The following TENM2 variants were observed in gnomAD, a reference collection of about 807,000 sequenced individuals.
TENM2 encodes teneurin transmembrane protein 2.
TENM2 carries 52 observed loss-of-function variants against 245.2 expected under a neutral mutation model. The ratio of observed to expected loss-of-function variants is 0.21; its 90% CI spans 0.17 to 0.27. The LOEUF is 0.27. Ranked by LOEUF, TENM2 falls within the 10% of genes least tolerant of loss-of-function variation. The pLI is 1.00. For synonymous variants in TENM2, 1,363 were observed against 1,438.9 expected, an observed-to-expected ratio of 0.95 and a Z score of 1.19; for missense variants, 3,046 against 3,666.8, an observed-to-expected ratio of 0.83 and a Z score of 4.37.
chr5:167,767,299 A>G (rs1292562757), intron 2 of TENM2, among the ~76,000 whole-genome samples: 1 of 152,238 alleles, frequency 6.6e-6, no homozygotes, highest in Non-Finnish European at 1.5e-5. Context: ...CCAGACATGA[A>G]ATGGCAAATA....
At chr5:167,107,035 A>G in the TENM2 span, among the ~76,000 whole-genome samples, 1 of 151,074 alleles carries the variant, frequency 6.6e-6, no homozygotes, top group Non-Finnish European at 1.5e-5. Context: ...GCCTGAGCTC[A>G]GGAGTTCGAG....
intron 1 of TENM2, among the ~76,000 whole-genome samples, chr5:167,366,784 C>G (rs1442805486): frequency 1.3e-5 from 2 of 152,236 alleles, no homozygotes; most frequent in South Asian, 4.1e-4. Context: ...CTCTCTTTCC[C>G]TCTCTTTCTC....
chr5:167,041,497 C>A, the TENM2 span, among the ~76,000 whole-genome samples: 1 of 152,272 alleles, frequency 6.6e-6, no homozygotes, highest in East Asian at 1.9e-4. Context: ...CACGAAGTGT[C>A]CAATTACCTA....
intron 3 of TENM2, among the ~76,000 whole-genome samples, chr5:167,930,103 A>G (rs555046596): frequency 6.6e-6 from 1 of 152,350 alleles, no homozygotes; most frequent in Non-Finnish European, 1.5e-5. Flanking sequence ...ACTGCACTCC[A>G]GGGAAATCGC....
At chr5:167,466,784 C>T (rs1271487005) in intron 2 of TENM2, among the ~76,000 whole-genome samples, 1 of 151,912 alleles carries the variant, frequency 6.6e-6, no homozygotes, top group African/African-American at 2.4e-5. Flanking sequence ...ACAAATTTGG[C>T]CGAGTTCTGA....
chr5:167,050,537 C>T, the TENM2 span, among the ~76,000 whole-genome samples: 1 of 152,082 alleles, frequency 6.6e-6, no homozygotes, highest in African/African-American at 2.4e-5. Context: ...ATCCTGAGGT[C>T]AGTGAAGAAT....
chr5:167,236,385 G>T, the TENM2 span, among the ~76,000 whole-genome samples: 1 of 152,150 alleles, frequency 6.6e-6, no homozygotes, highest in Non-Finnish European at 1.5e-5. Context: ...AAAACAAAAT[G>T]CAGCCAGCTT....
rs561186675 is a variant in TENM2 at position 167,418,640 on chromosome 5, CA to C, written c.502+43168del. On this transcript the variant is annotated intron_variant, in intron 2 of 28. Transcript: ENST00000518659. ...ACCAACAGGAAGATATGGAGATTTG[CA>C]TACTTTTAAAACCTTATGTGATTAA... 4.7e-3 allele frequency among the ~76,000 whole-genome samples: 723 copies of C among 152,246 alleles called. 5 individuals carry two copies. The highest frequency in any genetic ancestry group is 8.5e-3 in the Non-Finnish European group (578 of 68,014).
At chr5:167,601,370 A>G (rs1346059806) in intron 2 of TENM2, among the ~76,000 whole-genome samples, 1 of 152,246 alleles carries the variant, frequency 6.6e-6, no homozygotes, top group Non-Finnish European at 1.5e-5. Flanking sequence ...AATTTCAACT[A>G]ATTTAAACTG....
intron 2 of TENM2, among the ~76,000 whole-genome samples, chr5:167,813,928 G>A (rs1276551029): frequency 6.6e-6 from 1 of 152,078 alleles, no homozygotes; most frequent in African/African-American, 2.4e-5. Context: ...AATATTGATA[G>A]GGACGGGAGC....
chr5:168,077,803 A>T (rs182875062), intron 7 of TENM2, among the ~76,000 whole-genome samples: 1 of 152,168 alleles, frequency 6.6e-6, no homozygotes, highest in Non-Finnish European at 1.5e-5. Context: ...TATATGTGCC[A>T]TATTTTCTTA....
At chr5:167,933,787 C>G (rs570827494) in intron 3 of TENM2, among the ~76,000 whole-genome samples, 3 of 152,324 alleles carry the variant, frequency 2.0e-5, no homozygotes, top group East Asian at 3.9e-4. Context: ...CTCTAAACCT[C>G]AGCCTCCTGA....
In TENM2 at chr5:167,739,611, GTC is replaced by G. The variant is rs1446797898; in HGVS notation, c.503-136373_503-136372del. On this transcript the variant is annotated intron_variant, in intron 2 of 28. Coordinates refer to ENST00000518659, the Ensembl canonical transcript of TENM2. ...TGCTGCCTTGTATCTGTCTTCTCCT[GTC>G]TTGGTGATGACGGACTTTAGGAGAT... Among the ~76,000 whole-genome samples, 148 of 152,280 alleles carry G rather than the reference GTC, an allele frequency of 9.7e-4. 4 individuals carry two copies. The South Asian group carries it at 0.03, about 31-fold the overall frequency.
chr5:167,890,709 A>G (rs1353828310), intron 3 of TENM2, among the ~76,000 whole-genome samples: 2 of 152,162 alleles, frequency 1.3e-5, no homozygotes, highest in Admixed American at 6.5e-5. Flanking sequence ...TAATTTATTC[A>G]TGTATGAGAT....
chr5:167,434,805 G>A (rs1330566906), intron 2 of TENM2, among the ~76,000 whole-genome samples: 1 of 152,056 alleles, frequency 6.6e-6, no homozygotes, highest in Non-Finnish European at 1.5e-5. Flanking sequence ...TATTATTTAT[G>A]GACAGCATCT....
At chr5:167,089,689 A>G in the TENM2 span, among the ~76,000 whole-genome samples, 1 of 152,174 alleles carries the variant, frequency 6.6e-6, no homozygotes, top group Admixed American at 6.5e-5. Flanking sequence ...CCAAAACACA[A>G]GTGCATTACA....
chr5:166,984,277 G>A, the TENM2 span, among the ~76,000 whole-genome samples: 7 of 152,026 alleles, frequency 4.6e-5, no homozygotes, highest in Non-Finnish European at 7.4e-5. Flanking sequence ...GGACTAAAGC[G>A]GGAGGATGTA....
intron 3 of TENM2, among the ~76,000 whole-genome samples, chr5:167,911,383 T>C (rs571872488): frequency 1.3e-5 from 2 of 152,000 alleles, no homozygotes; most frequent in Admixed American, 6.6e-5. Flanking sequence ...AAAAAATAGC[T>C]GGGCGTGGTG....
At chr5:168,025,735 T>A (rs1428374492) in intron 5 of TENM2, among the ~76,000 whole-genome samples, 1 of 152,062 alleles carries the variant, frequency 6.6e-6, no homozygotes, top group Non-Finnish European at 1.5e-5. Context: ...AATGCCGCCA[T>A]TGAAGATGTG....
Sources: allele counts gnomAD v4.1 joint callset (sites outside exome capture counted in the v4.1 genomes callset), GRCh38; gene constraint gnomAD v4.1.1; transcripts MANE v1.5; gene names NCBI Gene and HGNC (gene_info 2026-07-23, HGNC 2026-07-21).